CAP1: variants seen among roughly 807,000 people sequenced by gnomAD.
CAP1 encodes the protein adenylyl cyclase-associated protein 1.
Under a neutral mutation model 58.2 loss-of-function variants are expected in CAP1, and 11 were observed. The observed-to-expected ratio is 0.19, with a 90% CI of 0.12 to 0.31. The LOEUF is 0.31. CAP1 is among the 10% of genes least tolerant of loss of function. The pLI, the probability that CAP1 is intolerant of heterozygous loss-of-function variation, is 1.00. For missense variants in CAP1, 423 were observed against 587.5 expected, an observed-to-expected ratio of 0.72 and a Z score of 2.89; for synonymous variants, 183 against 213.8, an observed-to-expected ratio of 0.86 and a Z score of 1.26.
intron 1 of CAP1, among the ~76,000 whole-genome samples, chr1:40,043,935 G>C (rs1379716397): frequency 6.6e-6 from 1 of 152,020 alleles, no homozygotes; most frequent in Non-Finnish European, 1.5e-5. Context: ...TCCTCAATTG[G>C]GTAGGCATAA....
intron 1 of CAP1, among the ~76,000 whole-genome samples, chr1:40,046,650 A>G (rs1234081805): frequency 6.6e-6 from 1 of 152,240 alleles, no homozygotes; most frequent in East Asian, 1.9e-4. Context: ...GTACTTGCAC[A>G]AATTTAGATG....
chr1:40,065,564 C>T (rs373016382), intron 6 of CAP1, among the ~76,000 whole-genome samples: 2 of 152,188 alleles, frequency 1.3e-5, no homozygotes, highest in Admixed American at 6.5e-5. Flanking sequence ...ATATATCCCA[C>T]CATTATCCCA....
Position 40,061,737 on chromosome 1 carries a change from G to A in CAP1, c.219G>A (p.Ala73=), listed in dbSNP as rs34497744. 1.5e-3 allele frequency: 2,442 copies of A among 1,613,628 alleles called. 24 individuals are homozygous for A. The African/African-American group carries it at 0.028, about 18-fold the overall frequency. The stretch of plus-strand genomic sequence containing the variant: ...TAGCTGATTCTTCTTTCTGGCAGGC[G>A]GAGATGGTCCACACAGGTTTGAAGT... ...KEIGGDVQKH[A]EMVHTGLKLE... The change falls in exon 4 of 13, where the codon GCG becomes GCA. Residue 73 remains alanine (A), a splice_region_variant and synonymous_variant. Transcript: ENST00000372805.
At chr1:40,065,200 A>C (rs1214053384) in intron 6 of CAP1, among the ~76,000 whole-genome samples, 1 of 152,224 alleles carries the variant, frequency 6.6e-6, no homozygotes, top group East Asian at 1.9e-4. Context: ...GCCCAATGGC[A>C]AAGGGTTCAA....
chr1:40,067,733 G>A lies in CAP1; in HGVS notation c.808+16G>A. 1.3e-6 allele frequency: 2 copies of A among 1,580,908 alleles called. No individual in the cohort carries two copies. Among genetic ancestry groups the A allele is most frequent in the South Asian group, 2.3e-5 (2 of 88,250 alleles). On this transcript the variant is annotated intron_variant, in intron 8 of 12. Coordinates refer to ENST00000372805, the MANE Select transcript of CAP1 (RefSeq NM_006367.4). ...ATTACACATGGTGAGTGAGCACTTG[G>A]ACACGAACAGTAGGTACAACAAGTT...
rs1648278037 is a variant in CAP1, at chr1:40,072,640, C to T, written c.*1107C>T. 1 of 152,554 alleles carries T rather than the reference C, an allele frequency of 6.6e-6. No individual in the cohort carries two copies. Among genetic ancestry groups the T allele is most frequent in the Non-Finnish European group, 1.5e-5 (1 of 68,054 alleles). The allele number at this position is 152,554 out of a possible 1,614,324, so 9.5% of individuals were successfully genotyped here. A position where few individuals can be genotyped will look rare whatever the true frequency, so the allele number is the denominator to read the frequency against. Reference sequence around the variant, plus strand: ...TACAGAAAATAGAATAAAGTTAATACCAAACTTGCTTAGTTGTTTACCTGT... The same window carrying T: ...TACAGAAAATAGAATAAAGTTAATATCAAACTTGCTTAGTTGTTTACCTGT... On this transcript the variant is annotated 3_prime_UTR_variant, in exon 13 of 13. Coordinates refer to ENST00000372805, the MANE Select transcript of CAP1 (RefSeq NM_006367.4).
At chr1:40,063,445 G>A (rs1646944194) in intron 4 of CAP1, among the ~76,000 whole-genome samples, 1 of 151,574 alleles carries the variant, frequency 6.6e-6, no homozygotes, top group Middle Eastern at 3.2e-3. Flanking sequence ...CCAAAGTGCT[G>A]GGATTACAGG....
At chr1:40,058,910 T>A (rs1230354210) in intron 1 of CAP1, among the ~76,000 whole-genome samples, 1 of 152,176 alleles carries the variant, frequency 6.6e-6, no homozygotes, top group Non-Finnish European at 1.5e-5. Context: ...GTCATTTAGC[T>A]TCACTGAAAC....
At chr1:40,064,958 G>A (rs1012500090) in intron 6 of CAP1, among the ~76,000 whole-genome samples, 2 of 152,216 alleles carry the variant, frequency 1.3e-5, no homozygotes, top group Non-Finnish European at 2.9e-5. Flanking sequence ...TAGCCACTGT[G>A]CTGGTTTTAT....
chr1:40,054,129 G>C (rs1304497481), intron 1 of CAP1, among the ~76,000 whole-genome samples: 5 of 99,500 alleles, frequency 5.0e-5, no homozygotes, highest in Non-Finnish European at 8.1e-5. Flanking sequence ...GTGTTGAGGG[G>C]AGAGTGAGTA....
chr1:40,049,431 G>A (rs1173978244), intron 1 of CAP1, among the ~76,000 whole-genome samples: 1 of 151,722 alleles, frequency 6.6e-6, no homozygotes, highest in Non-Finnish European at 1.5e-5. Context: ...GGCTGGTCTC[G>A]AACTCTTGAC....
chr1:40,061,257 T>C (rs1246254824), intron 3 of CAP1, among the ~76,000 whole-genome samples: 3 of 152,202 alleles, frequency 2.0e-5, no homozygotes, highest in Non-Finnish European at 4.4e-5. Flanking sequence ...TAATTATTTA[T>C]TAATGGGTCA....
At chr1:40,063,671 G>A (rs115420842) in intron 4 of CAP1, among the ~76,000 whole-genome samples, 190 of 152,320 alleles carry the variant, frequency 1.2e-3, no homozygotes, top group African/African-American at 4.5e-3. Context: ...TATATGGCTG[G>A]CAATGCATTG....
chr1:40,070,025 A>C lies in CAP1; in HGVS notation c.994-134A>C, dbSNP rs555248399. 9.1e-6 allele frequency: 13 copies of C among 1,433,538 alleles called. No homozygotes were observed. In the East Asian group the frequency reaches 2.8e-4, roughly 31 times the overall value. 88.8% of individuals were successfully genotyped at this position (1,433,538 alleles called of 1,614,324 possible). On this transcript the variant is annotated intron_variant, in intron 9 of 12. Coordinates refer to ENST00000372805, the MANE Select transcript of CAP1 (RefSeq NM_006367.4). ...CCCGGGGAAAAGGAGTAGGAACAGGAGGTTAAATGGAGCTTAGCTAGATGA... is the reference window on the plus strand; with the variant it reads ...CCCGGGGAAAAGGAGTAGGAACAGGCGGTTAAATGGAGCTTAGCTAGATGA...
In CAP1 at chr1:40,072,307, CCTT is replaced by C. The variant is rs1161924202; in HGVS notation, c.*779_*781del. On this transcript the variant is annotated 3_prime_UTR_variant, in exon 13 of 13. Transcript: ENST00000372805. Reference sequence around the variant, plus strand: ...TTCAAGGAGTCTGGCATTCCTGAATCCTTCTTCCCTGCCAGGTGCCTGTCACCT... The same window carrying C: ...TTCAAGGAGTCTGGCATTCCTGAATCCTTCCCTGCCAGGTGCCTGTCACCT... 32 of 372,394 alleles carry C rather than the reference CCTT, an allele frequency of 8.6e-5. No individual in the cohort carries two copies. The highest frequency in any genetic ancestry group is 1.5e-4 in the African/African-American group (7 of 47,544). The allele number at this position is 372,394 out of a possible 1,614,324, so 23.1% of individuals were successfully genotyped here.
At chr1:40,068,698 AT>A (rs1359053473) in intron 8 of CAP1, among the ~76,000 whole-genome samples, 1 of 152,204 alleles carries the variant, frequency 6.6e-6, no homozygotes, top group African/African-American at 2.4e-5. Context: ...TAAAAAGGCC[AT>A]TCAGTATTTG....
Position 40,072,041 on chromosome 1 carries a change from G to A in CAP1, c.*508G>A, listed in dbSNP as rs1284541035. On this transcript the variant is annotated 3_prime_UTR_variant, in exon 13 of 13. Transcript: ENST00000372805. ...TGCACTGGACCAAAGGCTGAGGCTT[G>A]GCCATCTAGCATTCCATACAAAATT... is the stretch of plus-strand genomic sequence containing the variant. 1 of 403,072 alleles carries A rather than the reference G, an allele frequency of 2.5e-6. No homozygotes were observed. Among genetic ancestry groups the A allele is most frequent in the Non-Finnish European group, 4.4e-6 (1 of 228,272 alleles). The allele number at this position is 403,072 out of a possible 1,614,324, so 25.0% of individuals were successfully genotyped here.
chr1:40,050,663 A>C (rs1646320858), intron 1 of CAP1, among the ~76,000 whole-genome samples: 1 of 151,962 alleles, frequency 6.6e-6, no homozygotes, highest in African/African-American at 2.4e-5. Context: ...CATCTCAAAA[A>C]ATTACAGTAA....
At chr1:40,049,695 C>CA (rs2124217420) in intron 1 of CAP1, among the ~76,000 whole-genome samples, 1 of 152,302 alleles carries the variant, frequency 6.6e-6, no homozygotes, top group East Asian at 1.9e-4. Context: ...TCTAAATACT[C>CA]ACTAGTCATT....
Sources: gnomAD v4.1 joint callset for allele counts (sites outside exome capture counted in the v4.1 genomes callset) on GRCh38, gnomAD v4.1.1 for gene constraint, MANE v1.5 for transcripts, NCBI Gene and HGNC (gene_info 2026-07-23, HGNC 2026-07-21) for gene names.